Variants in MTFR2 observed in about 807,000 individuals in gnomAD.
The protein encoded by MTFR2 is mitochondrial fission regulator 2, also known as DUF729 domain-containing protein 1.
In MTFR2, 44 loss-of-function variants were observed where a neutral mutation model predicts 41.2. The observed-to-expected ratio is 1.07, with a 90% CI of 0.84 to 1.37. The LOEUF (loss-of-function observed/expected upper bound fraction) is 1.37, where lower values mean the gene tolerates loss of function less well. Among genes scored for constraint, MTFR2 ranks in the 40% most tolerant of loss-of-function variants. The pLI is 0.00. For missense variants in MTFR2, 452 were observed against 459.5 expected (o/e 0.98, Z 0.15); for synonymous variants, 141 against 154.6 (o/e 0.91, Z 0.65).
chr6:136,242,011 C>T (rs1211233043), intron 4 of MTFR2, among the ~76,000 whole-genome samples: 2 of 134,584 alleles, frequency 1.5e-5, no homozygotes, highest in African/African-American at 2.9e-5. Flanking sequence ...GCCTGGGAGG[C>T]AGAGGTTGTG....
chr6:136,237,060 T>C (rs1779925852), intron 6 of MTFR2, among the ~76,000 whole-genome samples: 1 of 152,208 alleles, frequency 6.6e-6, no homozygotes, highest in Admixed American at 6.5e-5. Flanking sequence ...CTTGCTCCTC[T>C]TTCCCCACTC....
intron 6 of MTFR2, 25 bp downstream of exon 6, chr6:136,239,441 C>A: frequency 1.3e-6 from 2 of 1,517,586 alleles, no homozygotes; most frequent in Non-Finnish European, 1.8e-6. Flanking sequence ...AATTTCAGTT[C>A]ACTTTTCAAA....
At chr6:136,239,037 C>T (rs1440784562) in intron 6 of MTFR2, among the ~76,000 whole-genome samples, 1 of 152,206 alleles carries the variant, frequency 6.6e-6, no homozygotes, top group Non-Finnish European at 1.5e-5. Context: ...CACTGCCCTA[C>T]AGCCTGGGTT....
chr6:136,241,828 C>G (rs1033366024), intron 4 of MTFR2, 152 bp from the exon 5 acceptor site: 6 of 652,360 alleles, frequency 9.2e-6, no homozygotes, highest in Non-Finnish European at 1.5e-5. Flanking sequence ...CCTGTAATCC[C>G]AACACTTTGG....
intron 6 of MTFR2, among the ~76,000 whole-genome samples, chr6:136,238,099 A>G (rs2128457616): frequency 6.6e-6 from 1 of 152,376 alleles, no homozygotes; most frequent in East Asian, 1.9e-4. Flanking sequence ...CTTATCCAAA[A>G]GAAGTGAAAT....
chr6:136,244,757 T>C lies in MTFR2; in HGVS notation c.168+8A>G. 2 of 1,589,452 alleles carry C rather than the reference T, an allele frequency of 1.3e-6. No homozygotes were observed. Among genetic ancestry groups the C allele is most frequent in the Non-Finnish European group, 8.6e-7 (1 of 1,158,336 alleles). On this transcript the variant is annotated splice_region_variant and intron_variant, in intron 3 of 7. Transcript: ENST00000420702. Reference sequence around the variant, plus strand: ...TGGTACTTAAACAATTTATGTTGACTGACTTACCTCAAAATTAGGTCTTCG... The same window carrying C: ...TGGTACTTAAACAATTTATGTTGACCGACTTACCTCAAAATTAGGTCTTCG...
intron 3 of MTFR2, among the ~76,000 whole-genome samples, chr6:136,244,001 G>A (rs1780152354): frequency 6.6e-6 from 1 of 151,772 alleles, no homozygotes; most frequent in African/African-American, 2.4e-5. Context: ...TATAGAATAA[G>A]GATATAAAAA....
At position 136,249,115 on chromosome 6, in the gene MTFR2, A is replaced by G. The variant is rs1328433767; in HGVS notation, c.-16T>C. 1 of 1,566,854 alleles carries G rather than the reference A, an allele frequency of 6.4e-7. No individual in the cohort carries two copies. Among genetic ancestry groups the G allele is most frequent in the African/African-American group, 1.4e-5 (1 of 71,644 alleles). ...TGAGAGACATTGATGAAGCAAATAC[A>G]GAAGCCAATTCAAAGGAACATTATC... On this transcript the variant is annotated 5_prime_UTR_variant, in exon 2 of 8. Coordinates refer to ENST00000420702, the MANE Select transcript of MTFR2 (RefSeq NM_001099286.3).
chr6:136,232,502 C>T (rs1050786744), intron 7 of MTFR2, among the ~76,000 whole-genome samples: 7 of 152,168 alleles, frequency 4.6e-5, no homozygotes, highest in Non-Finnish European at 8.8e-5. Flanking sequence ...CATGCATGAT[C>T]TGCCCACCTC....
At chr6:136,249,451 C>A (rs1271769947) in intron 1 of MTFR2, among the ~76,000 whole-genome samples, 1 of 152,212 alleles carries the variant, frequency 6.6e-6, no homozygotes, top group Non-Finnish European at 1.5e-5. Context: ...AAGTTACATG[C>A]CACAGCGAAG....
intron 6 of MTFR2, among the ~76,000 whole-genome samples, chr6:136,237,413 A>T (rs553429971): frequency 1.6e-4 from 24 of 152,354 alleles, no homozygotes; most frequent in African/African-American, 5.3e-4. Context: ...AACAGAGGAA[A>T]CTTAAAACAA....
chr6:136,244,622 G>A, intron 3 of MTFR2, 143 bp downstream of exon 3: 1 of 618,156 alleles, frequency 1.6e-6, no homozygotes, highest in Non-Finnish European at 2.8e-6. Flanking sequence ...AAACATATAT[G>A]AAATGGCTTG....
At chr6:136,245,622 G>A (rs183925398) in intron 2 of MTFR2, among the ~76,000 whole-genome samples, 154 of 152,204 alleles carry the variant, frequency 1.0e-3, no homozygotes, top group Middle Eastern at 3.4e-3. Flanking sequence ...ATAAACCGCC[G>A]GTCTCAGCTG....
At chr6:136,246,340 G>A (rs1458113002) in intron 2 of MTFR2, among the ~76,000 whole-genome samples, 1 of 151,708 alleles carries the variant, frequency 6.6e-6, no homozygotes, top group Non-Finnish European at 1.5e-5. Context: ...CTGGAGTGCA[G>A]GGCATGATCA....
At chr6:136,245,204 C>T (rs1042550382) in intron 2 of MTFR2, among the ~76,000 whole-genome samples, 1 of 151,932 alleles carries the variant, frequency 6.6e-6, no homozygotes, top group Non-Finnish European at 1.5e-5. Flanking sequence ...AAAATTGCAT[C>T]CCCTCCCCCA....
chr6:136,237,466 CCAAAAAGATTTTAA>C (rs1353603873), intron 6 of MTFR2, among the ~76,000 whole-genome samples: 3 of 152,006 alleles, frequency 2.0e-5, no homozygotes, highest in Admixed American at 1.3e-4. Context: ...ACCAACAAAA[CCAAAAAGATTTTAA>C]CAAGAAGCAT....
Position 136,241,669 on chromosome 6 carries a change from T to C in MTFR2, c.289A>G (p.Ile97Val), listed in dbSNP as rs142592349. 73 of 1,607,466 alleles carry C rather than the reference T, an allele frequency of 4.5e-5. No individual in the cohort carries two copies. Among genetic ancestry groups the C allele is most frequent in the Non-Finnish European group, 5.7e-5 (67 of 1,178,034 alleles). Residue 97 changes from isoleucine to valine, a missense_variant, in exon 5 of 8, where the codon ATA becomes GTA. Transcript: ENST00000420702. The stretch of plus-strand genomic sequence containing the variant: ...ACTTTCTCTTCTTCATTTTTCCATA[T>C]ACTATTTCTGTGGGTGAAAAAAAAT... ...EASYLRFRNSIWKNEEEKVEI... is the reference protein window; with the variant it reads ...EASYLRFRNSVWKNEEEKVEI...
chr6:136,233,769 T>C (rs1002057356), intron 6 of MTFR2, among the ~76,000 whole-genome samples: 16 of 152,252 alleles, frequency 1.1e-4, no homozygotes, highest in African/African-American at 3.4e-4. Flanking sequence ...GCTGAAGATC[T>C]TTATTATGGT....
chr6:136,233,023 A>AC, intron 7 of MTFR2: 1 of 219,752 alleles, frequency 4.6e-6, no homozygotes, highest in Non-Finnish European at 9.2e-6. Flanking sequence ...AAACTGTCAG[A>AC]CACCCAGTTC....
Sources: gnomAD v4.1 joint callset for allele counts (sites outside exome capture counted in the v4.1 genomes callset) on GRCh38, gnomAD v4.1.1 for gene constraint, MANE v1.5 for transcripts, NCBI Gene and HGNC (gene_info 2026-07-23, HGNC 2026-07-21) for gene names.